MON1A: variants seen among roughly 807,000 people sequenced by gnomAD.
The protein encoded by MON1A is MON1 vesicular trafficking associated A.
Under a neutral mutation model 44.6 loss-of-function variants are expected in MON1A, and 29 were observed. The ratio of observed to expected loss-of-function variants is 0.65; its 90% CI spans 0.48 to 0.89. The LOEUF (loss-of-function observed/expected upper bound fraction) is 0.89. Among genes scored for constraint, MON1A ranks in the 40% least tolerant of loss-of-function variants. The probability of loss-of-function intolerance (pLI) is 0.00; values close to 1 mark genes in which losing one functional copy is unlikely to be tolerated. For missense variants in MON1A, 615 were observed against 759.6 expected (o/e 0.81, Z 2.24); for synonymous variants, 275 against 316.4 (o/e 0.87, Z 1.39).
At position 49,910,280 on chromosome 3, in the gene MON1A, G is replaced by T; in HGVS notation, c.1218C>A (p.Val406=). 1 of 1,614,162 alleles carries T rather than the reference G, an allele frequency of 6.2e-7. No individual in the cohort carries two copies. Among genetic ancestry groups the T allele is most frequent in the African/African-American group, 1.3e-5 (1 of 75,072 alleles). Residue 406 remains valine (V), a synonymous_variant, in exon 4 of 6, where the codon GTC becomes GTA. Transcript: ENST00000296473. This position sits in a 1 kb window ranked among gnomAD's most constrained non-coding sequence, Gnocchi z 8.0. ...VSTDREDFFA[V]SDCRRRFQER... ...CCTGGAAGCGGCGGCGGCAGTCAGA[G>T]ACTGCAAAGAAGTCCTCACGGTCAG...
chr3:49,908,991 G>A lies in MON1A; in HGVS notation c.*23C>T. The A allele has an allele frequency of 6.3e-7, 1 of 1,598,348 alleles. No homozygotes were observed. The highest frequency in any genetic ancestry group is 8.5e-7 in the Non-Finnish European group (1 of 1,170,598). ...TTCCCACACCTAGTGTGTCCAGGAA[G>A]GCTGAGCCCGCACACATTCCCATCA... On this transcript the variant is annotated 3_prime_UTR_variant, in exon 6 of 6. Coordinates refer to ENST00000296473, the MANE Select transcript of MON1A (RefSeq NM_032355.4).
rs200977249 is a variant in MON1A at position 49,917,095 on chromosome 3, G to C, written c.-13-3736C>G. On this transcript the variant is annotated intron_variant, in intron 1 of 5. Coordinates refer to ENST00000296473, the MANE Select transcript of MON1A (RefSeq NM_032355.4). ...CCTACCTCAGCCTCCTGAGTCGCTG[G>C]GAACACAGGCGTGAGCCACCATGCG... Among the ~76,000 whole-genome samples the C allele has an allele frequency of 5.3e-5, 8 of 152,112 alleles. No homozygotes were observed. The East Asian group carries it at 5.8e-4, about 11-fold the overall frequency.
rs2108529651 is a variant in MON1A, at chr3:49,910,554, G to GCACGCGCCTGCTGCAGGCTGGCGCT, written c.919_943dup (p.Ala315GlufsTer47). 6.2e-7 allele frequency: 1 copy of GCACGCGCCTGCTGCAGGCTGGCGCT among 1,612,042 alleles called. No homozygotes were observed. Among genetic ancestry groups the GCACGCGCCTGCTGCAGGCTGGCGCT allele is most frequent in the South Asian group, 1.1e-5 (1 of 90,898 alleles). On this transcript the variant is annotated frameshift_variant, in exon 4 of 6. Coordinates refer to ENST00000296473, the MANE Select transcript of MON1A (RefSeq NM_032355.4). LOFTEE classifies it high-confidence loss of function. The surrounding 1 kb of genome is among the most constrained non-coding windows in gnomAD (Gnocchi z 8.0). ...CAGGATGGAGAAGACCAGGCTGCGC[G>GCACGCGCCTGCTGCAGGCTGGCGCT]CACGCGCCTGCTGCAGGCTGGCGCT... is the stretch of plus-strand genomic sequence containing the variant.
chr3:49,909,423 G>A lies in MON1A; in HGVS notation c.1380-23C>T, dbSNP rs2082849179. ...GGGCTGCAGACAGGGTGGAGGGAGT[G>A]GGTTTGCAAAGGAATGACTTCCACT... On this transcript the variant is annotated intron_variant, in intron 4 of 5. Coordinates refer to ENST00000296473, the MANE Select transcript of MON1A (RefSeq NM_032355.4). The surrounding 1 kb of genome is among the most constrained non-coding windows in gnomAD (Gnocchi z 4.0). The A allele has an allele frequency of 6.2e-7, 1 of 1,612,984 alleles. No homozygotes were observed. The highest frequency in any genetic ancestry group is 8.5e-7 in the Non-Finnish European group (1 of 1,179,600).
At chr3:49,921,158 T>C (rs533863134) in intron 1 of MON1A, among the ~76,000 whole-genome samples, 7 of 147,272 alleles carry the variant, frequency 4.8e-5, no homozygotes, top group African/African-American at 1.5e-4. Flanking sequence ...CCCTGTCTCC[T>C]TTTTTTTTTC....
chr3:49,909,980 A>G lies in MON1A; in HGVS notation c.1379+139T>C. The G allele has an allele frequency of 2.1e-6, 2 of 959,152 alleles. No homozygotes were observed. The highest frequency in any genetic ancestry group is 3.2e-6 in the Non-Finnish European group (2 of 633,386). The allele number at this position is 959,152 out of a possible 1,614,324, so 59.4% of individuals were successfully genotyped here. On this transcript the variant is annotated intron_variant, in intron 4 of 5. Coordinates refer to ENST00000296473, the MANE Select transcript of MON1A (RefSeq NM_032355.4). The surrounding 1 kb of genome is among the most constrained non-coding windows in gnomAD (Gnocchi z 4.0). ...GAGTCTGGGTCTCTGGTGCCAGAGT[A>G]AAACAGGCCCAGCACACTGGTCTGC...
At chr3:49,914,976 C>T (rs2082931216) in intron 1 of MON1A, among the ~76,000 whole-genome samples, 1 of 152,186 alleles carries the variant, frequency 6.6e-6, no homozygotes. Flanking sequence ...CCACCATGCC[C>T]AGCCTGGTCT....
Position 49,913,425 on chromosome 3 carries a change from A to G in MON1A, c.-13-66T>C, listed in dbSNP as rs1575472725. On this transcript the variant is annotated intron_variant, in intron 1 of 5. Transcript: ENST00000296473. ...GGTCACAGGCATAATCAACAGTGGT[A>G]GTAAGTACAGGAAAGTGTCCTTTAT... 6 of 1,522,908 alleles carry G rather than the reference A, an allele frequency of 3.9e-6. No homozygotes were observed. The East Asian group carries it at 1.4e-4, about 35-fold the overall frequency. The allele number at this position is 1,522,908 out of a possible 1,614,324, so 94.3% of individuals were successfully genotyped here.
Position 49,911,250 on chromosome 3 carries a change from T to TAGATAGA in MON1A, c.613+275_613+276insTCTATCT, listed in dbSNP as rs1559492038. Reference sequence around the variant, plus strand: ...GATAGATAGATAGATAGATAGAGTTTGTTGTTGTTGTTGTTGTTGCCTCCC... The same window carrying TAGATAGA: ...GATAGATAGATAGATAGATAGAGTTTAGATAGAGTTGTTGTTGTTGTTGTTGCCTCCC... On this transcript the variant is annotated intron_variant, in intron 3 of 5. Transcript: ENST00000296473. This position sits in a 1 kb window ranked among gnomAD's most constrained non-coding sequence, Gnocchi z 5.7. Among the ~76,000 whole-genome samples, 4 of 99,708 alleles carry TAGATAGA rather than the reference T, an allele frequency of 4.0e-5. No individual in the cohort carries two copies. The highest frequency in any genetic ancestry group is 1.1e-4 in the African/African-American group (3 of 28,042). The allele number at this position is 99,708 out of a possible 152,430, so 65.4% of individuals were successfully genotyped here.
chr3:49,912,253 C>T (rs866878947), intron 2 of MON1A: 19 of 467,974 alleles, frequency 4.1e-5, no homozygotes, highest in East Asian at 1.1e-4. Context: ...CTGGTATCTG[C>T]CTACCTCTCA....
chr3:49,912,318 A>T, intron 2 of MON1A: 1 of 285,808 alleles, frequency 3.5e-6, no homozygotes. Flanking sequence ...GCCTACATCC[A>T]TCTGCTCTCA....
In MON1A at chr3:49,910,565, C is replaced by G. The variant is rs758162243; in HGVS notation, c.933G>C (p.Gln311His). ...AVRDTVSASLQQARARSLVFS... is the reference protein window; with the variant it reads ...AVRDTVSASLHQARARSLVFS... ...AGACCAGGCTGCGCGCACGCGCCTG[C>G]TGCAGGCTGGCGCTCACAGTGTCGC... The change falls in exon 4 of 6, where the codon CAG (glutamine) becomes CAC (histidine). Residue 311 changes from glutamine (Q) to histidine (H), a missense_variant. Coordinates refer to ENST00000296473, the MANE Select transcript of MON1A (RefSeq NM_032355.4). The surrounding 1 kb of genome is among the most constrained non-coding windows in gnomAD (Gnocchi z 8.0). 6.2e-7 allele frequency: 1 copy of G among 1,611,046 alleles called. No individual in the cohort carries two copies. The highest frequency in any genetic ancestry group is 1.1e-5 in the South Asian group (1 of 90,820).
At position 49,909,254 on chromosome 3, in the gene MON1A, C is replaced by G. The variant is rs541872360; in HGVS notation, c.1526G>C (p.Trp509Ser). Reference sequence around the variant, plus strand: ...CAGCCCATCCCAGGGCTGCCTTACCCAGGCCAGGAGGTTCTCGTTGGGGCC... The same window carrying G: ...CAGCCCATCCCAGGGCTGCCTTACCGAGGCCAGGAGGTTCTCGTTGGGGCC... ...YTGPNENLLA[W>S]VTGAFELYMC... The change falls in exon 5 of 6, where the codon TGG becomes TCG. Residue 509 changes from tryptophan (W) to serine (S), a missense_variant and splice_region_variant. By Grantham distance (177) the Trp-to-Ser change is radical. Transcript: ENST00000296473. This position sits in a 1 kb window ranked among gnomAD's most constrained non-coding sequence, Gnocchi z 4.0. 6.2e-7 allele frequency: 1 copy of G among 1,613,972 alleles called. No individual in the cohort carries two copies. The highest frequency in any genetic ancestry group is 1.3e-5 in the African/African-American group (1 of 75,032).
At chr3:49,924,087 A>G (rs934162483) in intron 1 of MON1A, 1 of 143,854 alleles carries the variant, frequency 7.0e-6, no homozygotes, top group South Asian at 2.2e-4. Flanking sequence ...GTCTCATAGG[A>G]AAAAAAAAAA....
rs149679081 is a variant in MON1A at position 49,914,610 on chromosome 3, C to T, written c.-13-1251G>A. ...TCACCCAGTCTGGAGTGCAGTGGTG[C>T]GATCTCAGCTCACTGCAACCTCCAC... On this transcript the variant is annotated intron_variant, in intron 1 of 5. Coordinates refer to ENST00000296473, the MANE Select transcript of MON1A (RefSeq NM_032355.4). Among the ~76,000 whole-genome samples the T allele has an allele frequency of 3.9e-3, 492 of 127,432 alleles. 2 individuals carry two copies. Among genetic ancestry groups the T allele is most frequent in the African/African-American group, 0.014 (467 of 32,448 alleles). The allele number at this position is 127,432 out of a possible 152,430, so 83.6% of individuals were successfully genotyped here.
chr3:49,927,050 ATT>A (rs2083058185), intron 1 of MON1A, among the ~76,000 whole-genome samples: 1 of 152,184 alleles, frequency 6.6e-6, no homozygotes, highest in Non-Finnish European at 1.5e-5. Flanking sequence ...AAGTGCTGGG[ATT>A]ACAGGCATGA....
chr3:49,925,330 C>T (rs1016262097), intron 1 of MON1A, among the ~76,000 whole-genome samples: 7 of 152,030 alleles, frequency 4.6e-5, no homozygotes, highest in African/African-American at 1.7e-4. Flanking sequence ...GCCCAAGCTG[C>T]TCTCAAACTC....
chr3:49,924,623 A>G, intron 1 of MON1A: 1 of 197,768 alleles, frequency 5.1e-6, no homozygotes, highest in Non-Finnish European at 1.1e-5. Flanking sequence ...CAGAGGTTGC[A>G]GTGAGCTGAG....
At chr3:49,929,411 G>A in intron 1 of MON1A, 198 bp downstream of exon 1, 1 of 669,566 alleles carries the variant, frequency 1.5e-6, no homozygotes. Flanking sequence ...CCAGCCAAAG[G>A]ATGGGTTCCA....
Sources: gnomAD v4.1 joint callset for allele counts (sites outside exome capture counted in the v4.1 genomes callset) on GRCh38, gnomAD v4.1.1 for gene constraint, Gnocchi (gnomAD v3.1) non-coding constraint, MANE v1.5 for transcripts, NCBI Gene and HGNC (gene_info 2026-07-23, HGNC 2026-07-21) for gene names.